The following ATG16L1 variants were observed in gnomAD, a reference collection of about 807,000 sequenced individuals.
The protein encoded by ATG16L1 is autophagy-related protein 16-1.
In ATG16L1, 37 loss-of-function variants were observed where a neutral mutation model predicts 88.5. That is an observed-to-expected ratio of 0.42 (90% CI 0.32 to 0.55). The LOEUF (loss-of-function observed/expected upper bound fraction) is 0.55. ATG16L1 is among the 20% of genes least tolerant of loss of function. The probability of loss-of-function intolerance (pLI) is 0.13; values close to 1 mark genes in which losing one functional copy is unlikely to be tolerated. For missense variants in ATG16L1, 554 were observed against 752.8 expected, an observed-to-expected ratio of 0.74 and a Z score of 3.09; for synonymous variants, 301 against 281.0, an observed-to-expected ratio of 1.07 and a Z score of -0.71.
intron 2 of ATG16L1, among the ~76,000 whole-genome samples, chr2:233,262,331 C>T (rs1375980839): frequency 6.6e-6 from 1 of 152,222 alleles, no homozygotes; most frequent in Non-Finnish European, 1.5e-5. Context: ...GCCCTTACCC[C>T]ACTGCAATCT....
In ATG16L1 at chr2:233,290,295, A is replaced by T; in HGVS notation, c.1372A>T (p.Thr458Ser). Reference sequence around the variant, plus strand: ...ATCCAGTTGCAATGATATTGTCTGCACAGAGCAATGTGTAATGAGTGGACA... The same window carrying T: ...ATCCAGTTGCAATGATATTGTCTGCTCAGAGCAATGTGTAATGAGTGGACA... ...AGSSCNDIVC[T>S]EQCVMSGHFD... The change falls in exon 14 of 18, where the codon ACA becomes TCA. Residue 458 changes from threonine (T) to serine (S), a missense_variant. Thr to Ser is a moderately conservative substitution (Grantham distance 58). This residue lies in a region of ATG16L1 where 370 missense variants were observed against 509.7 expected (regional missense o/e 0.73). Transcript: ENST00000392017. 1 of 1,614,238 alleles carries T rather than the reference A, an allele frequency of 6.2e-7. No homozygotes were observed. The highest frequency in any genetic ancestry group is 8.5e-7 in the Non-Finnish European group (1 of 1,180,048).
chr2:233,285,425 A>T (rs1699010163), intron 12 of ATG16L1, among the ~76,000 whole-genome samples: 1 of 152,246 alleles, frequency 6.6e-6, no homozygotes, highest in Non-Finnish European at 1.5e-5. Context: ...CTAGACTGAC[A>T]GATGAAGGTC....
chr2:233,270,160 T>G (rs1697894842), intron 6 of ATG16L1, 93 bp downstream of exon 6: 2 of 1,233,510 alleles, frequency 1.6e-6, no homozygotes, highest in Non-Finnish European at 2.2e-6. Flanking sequence ...TGGTTTTTTT[T>G]GAGACAGGGT....
Position 233,259,939 on chromosome 2 carries a change from A to G in ATG16L1, c.210-3191A>G, listed in dbSNP as rs548661966. ...TCACTCAAAAGACTCCTGTGACCGT[A>G]GTGTGGGCTGGGCATTAGGGCTGTA... On this transcript the variant is annotated intron_variant, in intron 2 of 17. Coordinates refer to ENST00000392017, the MANE Select transcript of ATG16L1 (RefSeq NM_030803.7). 3.9e-5 allele frequency among the ~76,000 whole-genome samples: 6 copies of G among 152,290 alleles called. No homozygotes were observed. The East Asian group carries it at 1.2e-3, about 29-fold the overall frequency.
intron 9 of ATG16L1, chr2:233,275,597 A>C: frequency 2.3e-6 from 1 of 425,740 alleles, no homozygotes; most frequent in Non-Finnish European, 4.7e-6. Context: ...GGACTGGCTG[A>C]GTGATGAACT....
At chr2:233,283,188 G>A (rs1452301704) in intron 12 of ATG16L1, among the ~76,000 whole-genome samples, 1 of 152,182 alleles carries the variant, frequency 6.6e-6, no homozygotes, top group Non-Finnish European at 1.5e-5. Flanking sequence ...AGAGGGGACA[G>A]GTGTCAGAGC....
At chr2:233,288,062 C>G (rs1463263368) in intron 12 of ATG16L1, among the ~76,000 whole-genome samples, 1 of 152,082 alleles carries the variant, frequency 6.6e-6, no homozygotes, top group Non-Finnish European at 1.5e-5. Context: ...TTTCACACAA[C>G]CGCAGCACAG....
At chr2:233,281,270 C>A in intron 11 of ATG16L1, 95 bp downstream of exon 11, 4 of 959,652 alleles carry the variant, frequency 4.2e-6, no homozygotes, top group South Asian at 1.8e-5. Context: ...GATTTCTCTG[C>A]CATTCTCTGT....
intron 12 of ATG16L1, among the ~76,000 whole-genome samples, chr2:233,284,959 G>A (rs1445108701): frequency 1.3e-5 from 2 of 152,166 alleles, no homozygotes; most frequent in Non-Finnish European, 2.9e-5. Context: ...GCAAAATAAC[G>A]AGCCCTGACG....
At chr2:233,254,977 A>G (rs1332408489) in intron 1 of ATG16L1, among the ~76,000 whole-genome samples, 4 of 151,484 alleles carry the variant, frequency 2.6e-5, no homozygotes, top group South Asian at 4.2e-4. Flanking sequence ...TTGTTTATTT[A>G]TTTATTTATT....
intron 12 of ATG16L1, among the ~76,000 whole-genome samples, chr2:233,284,321 T>C (rs1441206445): frequency 3.3e-5 from 5 of 151,566 alleles, no homozygotes; most frequent in Admixed American, 6.6e-5. Context: ...CTAATTTTTG[T>C]TTCGTTTTTT....
chr2:233,283,457 T>TAAAA lies in ATG16L1; in HGVS notation c.1203+715_1203+718dup, dbSNP rs10634694. On this transcript the variant is annotated intron_variant, in intron 12 of 17. Transcript: ENST00000392017. Reference sequence around the variant, plus strand: ...AATTTGGCATTAGTAGGCATTTTACTAAAAAAAAAAAAAATTTTTTTTTAA... The same window carrying TAAAA: ...AATTTGGCATTAGTAGGCATTTTACTAAAAAAAAAAAAAAAAAATTTTTTTTTAA... Among the ~76,000 whole-genome samples the TAAAA allele has an allele frequency of 1.9e-4, 28 of 144,294 alleles. No individual in the cohort carries two copies. In the East Asian group the frequency reaches 2.2e-3, roughly 11 times the overall value. 94.7% of individuals were successfully genotyped at this position (144,294 alleles called of 152,430 possible). A position where few individuals can be genotyped will look rare whatever the true frequency, so the allele number is the denominator to read the frequency against.
rs1435090692 is a variant in ATG16L1, at chr2:233,276,711, A to G, written c.955-857A>G. On this transcript the variant is annotated intron_variant, in intron 9 of 17. Coordinates refer to ENST00000392017, the MANE Select transcript of ATG16L1 (RefSeq NM_030803.7). ...AGGCTGGTCTTGAACTCCTGAGCTC[A>G]TGCGATCTGCCCACCTCGGTCTCCC... Among the ~76,000 whole-genome samples, 3 of 152,198 alleles carry G rather than the reference A, an allele frequency of 2.0e-5. No homozygotes were observed. The East Asian group carries it at 5.8e-4, about 29-fold the overall frequency.
intron 2 of ATG16L1, among the ~76,000 whole-genome samples, chr2:233,259,514 G>A (rs1382133658): frequency 6.6e-6 from 1 of 152,140 alleles, no homozygotes; most frequent in Non-Finnish European, 1.5e-5. Flanking sequence ...GGAAGCTATT[G>A]GGAGTTTAGT....
At chr2:233,263,714 A>C (rs1275895497) in intron 3 of ATG16L1, among the ~76,000 whole-genome samples, 1 of 152,232 alleles carries the variant, frequency 6.6e-6, no homozygotes, top group Non-Finnish European at 1.5e-5. Context: ...TCTTTTCAGC[A>C]GAAATGAGTC....
Sources: allele counts gnomAD v4.1 joint callset (sites outside exome capture counted in the v4.1 genomes callset), GRCh38; gene constraint gnomAD v4.1.1; regional missense constraint gnomAD v4.1.1; transcripts MANE v1.5; gene names NCBI Gene and HGNC (gene_info 2026-07-23, HGNC 2026-07-21).